Variants in CDK5RAP1 observed in about 807,000 individuals in gnomAD.
The protein encoded by CDK5RAP1 is CDK5RAP1 mitochondrial tRNA methylthiotransferase.
CDK5RAP1 carries 62 observed loss-of-function variants against 64.5 expected under a neutral mutation model. The ratio of observed to expected loss-of-function variants is 0.96; its 90% CI spans 0.78 to 1.19. The LOEUF is 1.19. Ranked by LOEUF, CDK5RAP1 falls within the 50% of genes most tolerant of loss-of-function variation. CDK5RAP1 has a pLI of 0.00. For synonymous variants in CDK5RAP1, 250 were observed against 261.9 expected, an observed-to-expected ratio of 0.95 and a Z score of 0.44; for missense variants, 657 against 735.0, an observed-to-expected ratio of 0.89 and a Z score of 1.23.
chr20:33,392,843 C>G (rs901653289), intron 4 of CDK5RAP1, among the ~76,000 whole-genome samples: 1 of 151,526 alleles, frequency 6.6e-6, no homozygotes, highest in African/African-American at 2.4e-5. Context: ...TCCTAATGCC[C>G]TTCTACTTTA....
chr20:33,359,977 G>C (rs1246245661), intron 13 of CDK5RAP1: 2 of 182,112 alleles, frequency 1.1e-5, no homozygotes, highest in Non-Finnish European at 2.3e-5. Flanking sequence ...TCGAGCACAT[G>C]TAAGTTAAAG....
intron 11 of CDK5RAP1, among the ~76,000 whole-genome samples, chr20:33,369,104 C>T (rs1451049641): frequency 1.3e-5 from 2 of 151,922 alleles, no homozygotes; most frequent in East Asian, 3.9e-4. Context: ...CATGCCACTG[C>T]CCTCCAGCCT....
At chr20:33,362,667 A>G (rs1983158552) in intron 12 of CDK5RAP1, among the ~76,000 whole-genome samples, 1 of 151,910 alleles carries the variant, frequency 6.6e-6, no homozygotes, top group South Asian at 2.1e-4. Context: ...GGGATACAAA[A>G]GTAAAACTCT....
rs1202135210 is a variant in CDK5RAP1 at position 33,373,790 on chromosome 20, G to A, written c.1205+325C>T. 3 of 281,596 alleles carry A rather than the reference G, an allele frequency of 1.1e-5. No individual in the cohort carries two copies. The South Asian group carries it at 3.0e-4, about 28-fold the overall frequency. The allele number at this position is 281,596 out of a possible 1,614,324, so 17.4% of individuals were successfully genotyped here. A position where few individuals can be genotyped will look rare whatever the true frequency, so the allele number is the denominator to read the frequency against. ...GTGAAAATGGATGACCCAGTCCTTA[G>A]CCTATGTTATGGAGTTAGCGAAGCA... On this transcript the variant is annotated intron_variant, in intron 9 of 13. Transcript: ENST00000346416.
intron 5 of CDK5RAP1, among the ~76,000 whole-genome samples, chr20:33,389,644 C>T (rs1018484496): frequency 2.6e-5 from 4 of 151,996 alleles, no homozygotes; most frequent in South Asian, 2.1e-4. Context: ...CGCCTCTGCC[C>T]GGCCACCCCT....
At chr20:33,370,327 C>G (rs1388690900) in intron 11 of CDK5RAP1, among the ~76,000 whole-genome samples, 172 bp downstream of exon 11, 1 of 152,138 alleles carries the variant, frequency 6.6e-6, no homozygotes, top group Admixed American at 6.5e-5. Context: ...AATTGCTGAA[C>G]CGTTTCAGAG....
intron 10 of CDK5RAP1, among the ~76,000 whole-genome samples, chr20:33,371,495 T>C (rs146013217): frequency 3.9e-5 from 6 of 152,052 alleles, no homozygotes; most frequent in African/African-American, 1.4e-4. Context: ...CCATAAAAGT[T>C]AAAATAATTA....
At chr20:33,388,770 G>A (rs930188268) in intron 5 of CDK5RAP1, among the ~76,000 whole-genome samples, 22 of 152,150 alleles carry the variant, frequency 1.4e-4, no homozygotes, top group Admixed American at 6.5e-4. Flanking sequence ...GATTGCAGGC[G>A]CGCGCCGCCA....
At position 33,385,693 on chromosome 20, in the gene CDK5RAP1, G is replaced by C; in HGVS notation, c.833C>G (p.Pro278Arg). Residue 278 changes from proline (P) to arginine (R), a missense_variant, in exon 7 of 14, where the codon CCT becomes CGT. Coordinates refer to ENST00000346416, the MANE Select transcript of CDK5RAP1 (RefSeq NM_016408.4). ...CACTTCCTCTAGAATGGAGGCAATA[G>C]GCCGACTCCTCTCCCTGCCCCGGGT... Reference protein sequence around the residue: ...PFTRGRERSRPIASILEEVKK... With the variant: ...PFTRGRERSRRIASILEEVKK... 6.2e-7 allele frequency: 1 copy of C among 1,614,148 alleles called. No individual in the cohort carries two copies. The highest frequency in any genetic ancestry group is 1.1e-5 in the South Asian group (1 of 91,082).
At chr20:33,365,915 G>GGAGGAAA (rs1983838199) in intron 12 of CDK5RAP1, among the ~76,000 whole-genome samples, 1 of 152,170 alleles carries the variant, frequency 6.6e-6, no homozygotes, top group African/African-American at 2.4e-5. Flanking sequence ...GGCCATGTCT[G>GGAGGAAA]GAGGAAAGAA....
intron 1 of CDK5RAP1, among the ~76,000 whole-genome samples, chr20:33,397,492 G>A (rs1438506827): frequency 6.6e-6 from 1 of 152,204 alleles, no homozygotes; most frequent in Admixed American, 6.5e-5. Flanking sequence ...ACTCACCTAA[G>A]CTCCTACAGC....
intron 9 of CDK5RAP1, chr20:33,373,291 G>C (rs528661913): frequency 6.5e-6 from 1 of 152,802 alleles, no homozygotes; most frequent in Non-Finnish European, 1.5e-5. Context: ...TGTGTGTGTA[G>C]AGACTGGGTT....
chr20:33,360,547 G>GAACTTAC, intron 12 of CDK5RAP1, 56 bp from the exon 13 acceptor site: 1 of 1,519,590 alleles, frequency 6.6e-7, no homozygotes, highest in Non-Finnish European at 8.9e-7. Context: ...AGTTCTTGGA[G>GAACTTAC]GGTAGAAACT....
intron 12 of CDK5RAP1, among the ~76,000 whole-genome samples, chr20:33,361,951 G>C (rs1421522842): frequency 1.3e-5 from 1 of 79,780 alleles, no homozygotes; most frequent in Admixed American, 1.7e-4. Flanking sequence ...GTGAGCCTCA[G>C]TCTCAAAAAA....
chr20:33,382,410 G>A (rs533397787), intron 7 of CDK5RAP1, among the ~76,000 whole-genome samples: 70 of 152,298 alleles, frequency 4.6e-4, no homozygotes, highest in African/African-American at 1.6e-3. Flanking sequence ...GCCAGACACG[G>A]TGGCTCATGC....
intron 2 of CDK5RAP1, among the ~76,000 whole-genome samples, chr20:33,396,270 G>T (rs919689490): frequency 6.6e-6 from 1 of 152,222 alleles, no homozygotes; most frequent in African/African-American, 2.4e-5. Context: ...GTAAGAATAT[G>T]AATTTCACAT....
intron 3 of CDK5RAP1, among the ~76,000 whole-genome samples, chr20:33,394,344 G>A (rs1432585651): frequency 6.6e-6 from 1 of 151,796 alleles, no homozygotes; most frequent in Non-Finnish European, 1.5e-5. Flanking sequence ...TAGAGATGGG[G>A]TTTTACCATG....
Position 33,387,408 on chromosome 20 carries a change from C to T in CDK5RAP1, c.670G>A (p.Ala224Thr), listed in dbSNP as rs1987581223. Residue 224 changes from alanine to threonine, a missense_variant, in exon 6 of 14, where the codon GCT becomes ACT. Ala to Thr is a moderately conservative substitution (Grantham distance 58). Transcript: ENST00000346416. Reference protein sequence around the residue: ...LLAVAESGQQAANVLLSLDET... With the variant: ...LLAVAESGQQTANVLLSLDET... The stretch of plus-strand genomic sequence containing the variant: ...TCCAGAGAGAGCAGCACGTTGGCAG[C>T]TTGCTGGCCCGACTCAGCAACAGCC... 4 of 1,614,062 alleles carry T rather than the reference C, an allele frequency of 2.5e-6. No individual in the cohort carries two copies. Among genetic ancestry groups the T allele is most frequent in the Non-Finnish European group, 3.4e-6 (4 of 1,180,024 alleles).
chr20:33,381,887 T>C (rs1407951512), intron 7 of CDK5RAP1, among the ~76,000 whole-genome samples: 1 of 152,222 alleles, frequency 6.6e-6, no homozygotes, highest in Non-Finnish European at 1.5e-5. Flanking sequence ...CTAAATGCAA[T>C]GTGGATCCTA....
Sources: allele counts gnomAD v4.1 joint callset (sites outside exome capture counted in the v4.1 genomes callset), GRCh38; gene constraint gnomAD v4.1.1; transcripts MANE v1.5; gene names NCBI Gene and HGNC (gene_info 2026-07-23, HGNC 2026-07-21).